The following FRMPD2 variants were observed in gnomAD, a reference collection of about 807,000 sequenced individuals.
FRMPD2 encodes the protein FERM and PDZ domain containing 2, also known as FERM and PDZ domain-containing protein 2.
FRMPD2 carries 96 observed loss-of-function variants against 140.1 expected under a neutral mutation model. The ratio of observed to expected loss-of-function variants is 0.69; its 90% CI spans 0.58 to 0.81. The LOEUF (loss-of-function observed/expected upper bound fraction) is 0.81. Among genes scored for constraint, FRMPD2 ranks in the 40% least tolerant of loss-of-function variants. The probability of loss-of-function intolerance (pLI) is 0.00; values close to 1 mark genes in which losing one functional copy is unlikely to be tolerated. For missense variants in FRMPD2, 1,240 were observed against 1,447.4 expected (o/e 0.86, Z 2.32); for synonymous variants, 449 against 547.6 (o/e 0.82, Z 2.52).
intron 11 of FRMPD2, 59 bp downstream of exon 11, chr10:48,223,064 G>T: frequency 6.7e-7 from 1 of 1,496,810 alleles, no homozygotes; most frequent in Middle Eastern, 1.8e-4. Context: ...TTACCTCTCC[G>T]TCAGCCTGGA....
At chr10:48,229,445 C>T (rs1839799060) in intron 10 of FRMPD2, among the ~76,000 whole-genome samples, 1 of 152,080 alleles carries the variant, frequency 6.6e-6, no homozygotes, top group East Asian at 1.9e-4. Context: ...CTTGAATTTA[C>T]TTTGGGTCTT....
In FRMPD2 at chr10:48,239,713, A is replaced by T. The variant is rs367591525; in HGVS notation, c.701-21T>A. ...TGAAACTAATCAAGCAGCATGGTAGAGGGTATGGGCAGAAGCCAAGATCAC... is the reference window on the plus strand; with the variant it reads ...TGAAACTAATCAAGCAGCATGGTAGTGGGTATGGGCAGAAGCCAAGATCAC... On this transcript the variant is annotated intron_variant, in intron 6 of 28. Coordinates refer to ENST00000374201, the MANE Select transcript of FRMPD2 (RefSeq NM_001018071.4). 7.0e-4 allele frequency: 1,108 copies of T among 1,593,106 alleles called. 2 individuals are homozygous for T. Among genetic ancestry groups the T allele is most frequent in the Non-Finnish European group, 6.9e-4 (799 of 1,161,644 alleles).
In FRMPD2 at chr10:48,222,417, G is replaced by A. The variant is rs745892905; in HGVS notation, c.1351C>T (p.Leu451Phe). ...SLTRHQFYLQ[L>F]RKDILEERLY... ...CTCTCCTCCAGGATATCTTTCCGAA[G>A]CTGCAGGTAAAACTGGTGCCTTGTC... Residue 451 changes from leucine to phenylalanine, a missense_variant, in exon 12 of 29, where the codon CTT (leucine) becomes TTT (phenylalanine). Physicochemically the swap from Leu to Phe is conservative, Grantham distance 22 (BLOSUM62 0). Coordinates refer to ENST00000374201, the MANE Select transcript of FRMPD2 (RefSeq NM_001018071.4). 3 of 1,614,128 alleles carry A rather than the reference G, an allele frequency of 1.9e-6. No homozygotes were observed. In the Admixed American group the frequency reaches 5.0e-5, roughly 27 times the overall value.
chr10:48,188,976 G>T (rs1428104212), intron 16 of FRMPD2, among the ~76,000 whole-genome samples: 1 of 152,168 alleles, frequency 6.6e-6, no homozygotes, highest in Non-Finnish European at 1.5e-5. Context: ...GTTTCAATTT[G>T]GGAAGACGGA....
At chr10:48,255,120 T>C (rs1345469681) in intron 1 of FRMPD2, among the ~76,000 whole-genome samples, 1 of 152,156 alleles carries the variant, frequency 6.6e-6, no homozygotes, top group Non-Finnish European at 1.5e-5. Context: ...TTATCTCTCA[T>C]ACACCTTCCC....
intron 15 of FRMPD2, among the ~76,000 whole-genome samples, chr10:48,195,528 C>A (rs951613895): frequency 2.0e-5 from 3 of 152,074 alleles, no homozygotes; most frequent in African/African-American, 7.2e-5. Context: ...AAGGATGCAA[C>A]AAAACAGGCA....
At chr10:48,178,562 G>A (rs1279191197) in intron 21 of FRMPD2, among the ~76,000 whole-genome samples, 4 of 152,310 alleles carry the variant, frequency 2.6e-5, no homozygotes, top group African/African-American at 9.6e-5. Context: ...AACTGCTGAG[G>A]TTGAGACCTG....
In FRMPD2 at chr10:48,222,360, G is replaced by A; in HGVS notation, c.1408C>T (p.Leu470=). The A allele has an allele frequency of 6.2e-7, 1 of 1,614,168 alleles. No homozygotes were observed. The change falls in exon 12 of 29, where the codon CTG becomes TTG. Residue 470 remains leucine (L), a synonymous_variant. Coordinates refer to ENST00000374201, the MANE Select transcript of FRMPD2 (RefSeq NM_001018071.4). The stretch of plus-strand genomic sequence containing the variant: ...TCAGCCTGCAAGGCAAGGACCCCCA[G>A]CTGCAGCAGTATCTCTTCATTGCAG... The part of the protein sequence containing the change: ...LYCNEEILLQ[L]GVLALQAEFG...
intron 26 of FRMPD2, 104 bp from the exon 27 acceptor site, chr10:48,168,797 CTTGATCTA>C (rs1838166513): frequency 2.5e-6 from 1 of 406,264 alleles, no homozygotes; most frequent in South Asian, 2.1e-5. Flanking sequence ...CTCCCTGCAC[CTTGATCTA>C]TTTCTCACTC....
rs185342455 is a variant in FRMPD2 at position 48,215,133 on chromosome 10, C to T, written c.1456-3024G>A. On this transcript the variant is annotated intron_variant, in intron 12 of 28. Transcript: ENST00000374201. ...CCTGTTTAAAATTCTTCAGGGGCTC[C>T]CAATCTTTCACAACAGTGGTTTCCA... 1.1e-4 allele frequency among the ~76,000 whole-genome samples: 17 copies of T among 152,278 alleles called. 1 individual carries two copies. The East Asian group carries it at 2.7e-3, about 24-fold the overall frequency.
At chr10:48,222,528 G>C in intron 11 of FRMPD2, 77 bp from the exon 12 acceptor site, 1 of 1,503,714 alleles carries the variant, frequency 6.7e-7, no homozygotes. Flanking sequence ...GGTTTTCTCA[G>C]TGTGGGAAGT....
intron 18 of FRMPD2, 45 bp downstream of exon 18, chr10:48,185,508 G>T (rs778495171): frequency 3.7e-6 from 5 of 1,362,406 alleles, no homozygotes; most frequent in South Asian, 3.5e-5. Flanking sequence ...TCCCCACTTT[G>T]CCCAGCAGTA....
At chr10:48,219,711 C>T (rs1221490157) in intron 12 of FRMPD2, among the ~76,000 whole-genome samples, 2 of 152,144 alleles carry the variant, frequency 1.3e-5, no homozygotes, top group African/African-American at 2.4e-5. Context: ...ATAATCCTTC[C>T]CTATTAATAG....
intron 9 of FRMPD2, among the ~76,000 whole-genome samples, chr10:48,235,571 G>A (rs1039351801): frequency 4.6e-5 from 7 of 152,190 alleles, no homozygotes; most frequent in Non-Finnish European, 1.0e-4. Context: ...AGTGGAGGGC[G>A]ATGCAGGAGC....
At chr10:48,266,430 A>G (rs760798287) in intron 1 of FRMPD2, among the ~76,000 whole-genome samples, 12 of 152,242 alleles carry the variant, frequency 7.9e-5, no homozygotes, top group Non-Finnish European at 1.6e-4. Context: ...AATTTAAAAA[A>G]GAGAAAAAAG....
chr10:48,220,904 T>A (rs748388018), intron 12 of FRMPD2, among the ~76,000 whole-genome samples: 1 of 152,154 alleles, frequency 6.6e-6, no homozygotes, highest in Non-Finnish European at 1.5e-5. Flanking sequence ...ACCTCACTCC[T>A]GCAAGAACGG....
rs1258531483 is a variant in FRMPD2 at position 48,242,275 on chromosome 10, C to A, written c.453G>T (p.Leu151Phe). Reference protein sequence around the residue: ...CEDQPHRRCTLQSVLEACRVH... With the variant: ...CEDQPHRRCTFQSVLEACRVH... ...CCCGACAAGCTTCCAGAACCGACTG[C>A]AACGTGCACCGCCTGTGAGGCTGGT... The change falls in exon 5 of 29, where the codon TTG (leucine) becomes TTT (phenylalanine). Residue 151 changes from leucine to phenylalanine, a missense_variant. By Grantham distance (22) the Leu-to-Phe change is conservative (BLOSUM62 0). Transcript: ENST00000374201. 2 of 1,614,152 alleles carry A rather than the reference C, an allele frequency of 1.2e-6. No homozygotes were observed. The highest frequency in any genetic ancestry group is 1.7e-6 in the Non-Finnish European group (2 of 1,180,002).
chr10:48,205,230 A>G (rs915605216), intron 14 of FRMPD2, among the ~76,000 whole-genome samples: 3 of 152,242 alleles, frequency 2.0e-5, no homozygotes, highest in Non-Finnish European at 4.4e-5. Flanking sequence ...GAAGAGGATG[A>G]TCATCAGAGA....
At position 48,232,054 on chromosome 10, in the gene FRMPD2, C is replaced by A. The variant is rs1554797527; in HGVS notation, c.1168+61G>T. On this transcript the variant is annotated intron_variant, in intron 10 of 28. Transcript: ENST00000374201. ...TCCCAGAAGAAACAGAGCTCAGGTA[C>A]CCAGATACCTGGGTTACCAGAGGCA... 32 of 1,487,656 alleles carry A rather than the reference C, an allele frequency of 2.2e-5. 1 individual carries two copies. The South Asian group carries it at 3.3e-4, about 15-fold the overall frequency. The allele number at this position is 1,487,656 out of a possible 1,614,324, so 92.2% of individuals were successfully genotyped here.
Sources: allele counts gnomAD v4.1 joint callset (sites outside exome capture counted in the v4.1 genomes callset), GRCh38; gene constraint gnomAD v4.1.1; transcripts MANE v1.5; gene names NCBI Gene and HGNC (gene_info 2026-07-23, HGNC 2026-07-21).